Variants in MGAT4C observed in about 807,000 individuals in gnomAD.
MGAT4C encodes the protein MGAT4 family member C, also known as alpha-1,3-mannosyl-glycoprotein 4-beta-N-acetylglucosaminyltransferase C.
Under a neutral mutation model 40.1 loss-of-function variants are expected in MGAT4C, and 19 were observed. The observed-to-expected ratio is 0.47, with a 90% confidence interval of 0.33 to 0.70. The LOEUF (loss-of-function observed/expected upper bound fraction) is 0.70. Among genes scored for constraint, MGAT4C ranks in the 30% least tolerant of loss-of-function variants. The probability of loss-of-function intolerance (pLI) is 0.02; values close to 1 mark genes in which losing one functional copy is unlikely to be tolerated. For synonymous variants in MGAT4C, 181 were observed against 187.1 expected, an observed-to-expected ratio of 0.97 and a Z score of 0.27; for missense variants, 491 against 563.2, an observed-to-expected ratio of 0.87 and a Z score of 1.30.
rs1262876717 is a variant in MGAT4C at position 86,774,350 on chromosome 12, TCTCCC to T, written c.-261-47114_-261-47110del. ...TTCTTTCTTTCTTTCTGTCTCTCTC[TCTCCC>T]CTCTCTCTCTCTCTCTTTCTGTCTG... On this transcript the variant is annotated intron_variant, in intron 1 of 7. Coordinates refer to the MGAT4C transcript ENST00000548651. 6.4e-4 allele frequency among the ~76,000 whole-genome samples: 54 copies of T among 84,274 alleles called. 1 individual carries two copies. Among genetic ancestry groups the T allele is most frequent in the Admixed American group, 1.6e-3 (12 of 7,398 alleles). The allele number at this position is 84,274 out of a possible 152,430, so 55.3% of individuals were successfully genotyped here.
At chr12:86,093,415 A>C (rs748654307) in intron 1 of MGAT4C, among the ~76,000 whole-genome samples, 4 of 152,116 alleles carry the variant, frequency 2.6e-5, no homozygotes, top group Non-Finnish European at 5.9e-5. Context: ...TGCTTATGTA[A>C]GTTATTCATA....
At position 86,822,723 on chromosome 12, in the gene MGAT4C, T is replaced by C. The variant is rs569608371; in HGVS notation, c.-262+15943A>G. Among the ~76,000 whole-genome samples, 4 of 150,042 alleles carry C rather than the reference T, an allele frequency of 2.7e-5. No homozygotes were observed. The East Asian group carries it at 7.9e-4, about 30-fold the overall frequency. On this transcript the variant is annotated intron_variant, in intron 1 of 7. Transcript: ENST00000548651. ...AATAAACAGAGTCATGCAATAAGAGTGGAATAATTCAATACCGCACACTCA... is the reference window on the plus strand; with the variant it reads ...AATAAACAGAGTCATGCAATAAGAGCGGAATAATTCAATACCGCACACTCA...
At position 85,957,883 on chromosome 12, in the gene MGAT4C, C is replaced by T. The variant is rs1442591073; in HGVS notation, c.*21406G>A. The T allele has an allele frequency of 6.6e-6, 1 of 151,914 alleles. No individual in the cohort carries two copies. The highest frequency in any genetic ancestry group is 2.4e-5 in the African/African-American group (1 of 41,368). The allele number at this position is 151,914 out of a possible 1,614,324, so 9.4% of individuals were successfully genotyped here. A position where few individuals can be genotyped will look rare whatever the true frequency, so the allele number is the denominator to read the frequency against. On this transcript the variant is annotated 3_prime_UTR_variant, in exon 5 of 5. Coordinates refer to ENST00000611864, the MANE Select transcript of MGAT4C (RefSeq NM_001351288.2). ...TTATTGGCTTTTGTTGCTTTTTCTC[C>T]AAGAAAATTTGGAATGTTTTCATCT... is the stretch of plus-strand genomic sequence containing the variant.
intron 2 of MGAT4C, among the ~76,000 whole-genome samples, chr12:86,445,006 G>T (rs963255285): frequency 6.6e-6 from 1 of 152,220 alleles, no homozygotes; most frequent in Non-Finnish European, 1.5e-5. Context: ...CAGATCAGCT[G>T]TTGCCTGGGA....
intron 1 of MGAT4C, among the ~76,000 whole-genome samples, chr12:86,095,285 T>A (rs759307947): frequency 2.0e-5 from 3 of 152,070 alleles, no homozygotes; most frequent in Non-Finnish European, 4.4e-5. Flanking sequence ...CTTTAAAGTA[T>A]ATATACTCCC....
chr12:86,498,093 T>C (rs1958275071), intron 2 of MGAT4C, among the ~76,000 whole-genome samples: 1 of 150,852 alleles, frequency 6.6e-6, no homozygotes, highest in Non-Finnish European at 1.5e-5. Context: ...TTTTTGTTTG[T>C]ATTTTGGTCG....
chr12:86,326,135 AAATAT>A (rs1386431426), intron 4 of MGAT4C, among the ~76,000 whole-genome samples: 2 of 152,070 alleles, frequency 1.3e-5, no homozygotes, highest in African/African-American at 4.8e-5. Context: ...GAGATAAAAT[AAATAT>A]ATTTTTATAT....
intron 3 of MGAT4C, among the ~76,000 whole-genome samples, chr12:86,399,592 C>T (rs1161257502): frequency 6.6e-6 from 1 of 152,082 alleles, no homozygotes; most frequent in African/African-American, 2.4e-5. Context: ...TGTCCAGTTA[C>T]ATTTCTACAC....
At chr12:86,315,463 G>A (rs1249756019) in intron 4 of MGAT4C, among the ~76,000 whole-genome samples, 2 of 152,144 alleles carry the variant, frequency 1.3e-5, no homozygotes, top group African/African-American at 4.8e-5. Context: ...AGCACTTTGG[G>A]AGGCCGAGGC....
chr12:86,410,372 G>T (rs536862607), intron 3 of MGAT4C, among the ~76,000 whole-genome samples: 6 of 152,070 alleles, frequency 3.9e-5, no homozygotes, highest in African/African-American at 1.4e-4. Flanking sequence ...CATTCCTTCC[G>T]CAGGGTATTA....
chr12:86,622,510 G>A (rs1421473302), intron 2 of MGAT4C, among the ~76,000 whole-genome samples: 2 of 152,044 alleles, frequency 1.3e-5, no homozygotes, highest in Non-Finnish European at 2.9e-5. Context: ...TTAAAAAATG[G>A]TAATTGAGGG....
chr12:86,754,034 T>C (rs1003597112), intron 1 of MGAT4C, among the ~76,000 whole-genome samples: 2 of 152,176 alleles, frequency 1.3e-5, no homozygotes, highest in African/African-American at 2.4e-5. Context: ...GAGAGACTTG[T>C]ATGTAAGCAT....
intron 1 of MGAT4C, among the ~76,000 whole-genome samples, chr12:86,208,184 A>G (rs1950334168): frequency 6.6e-6 from 1 of 152,146 alleles, no homozygotes; most frequent in African/African-American, 2.4e-5. Flanking sequence ...TGTAAATTCA[A>G]GCTGGGCGCA....
intron 3 of MGAT4C, among the ~76,000 whole-genome samples, chr12:86,422,543 A>T (rs1414460232): frequency 2.6e-5 from 4 of 152,160 alleles, no homozygotes; most frequent in Non-Finnish European, 5.9e-5. Flanking sequence ...TGTGCTGTAG[A>T]CTAAATCTTA....
At chr12:86,191,131 A>C (rs977031433) in intron 1 of MGAT4C, among the ~76,000 whole-genome samples, 1 of 114,990 alleles carries the variant, frequency 8.7e-6, no homozygotes, top group Non-Finnish European at 1.9e-5. Flanking sequence ...ACACACACAC[A>C]CACCCCTATA....
At chr12:86,674,212 A>C (rs1329822630) in intron 2 of MGAT4C, among the ~76,000 whole-genome samples, 1 of 152,180 alleles carries the variant, frequency 6.6e-6, no homozygotes, top group East Asian at 1.9e-4. Context: ...ACAGATCAAA[A>C]TATGTACTTT....
At chr12:86,565,024 T>A (rs551616748) in intron 2 of MGAT4C, among the ~76,000 whole-genome samples, 1 of 152,328 alleles carries the variant, frequency 6.6e-6, no homozygotes, top group African/African-American at 2.4e-5. Context: ...TACTATCTTC[T>A]GCAGATAACT....
At chr12:86,116,553 A>C (rs1233442633) in intron 1 of MGAT4C, among the ~76,000 whole-genome samples, 1 of 152,134 alleles carries the variant, frequency 6.6e-6, no homozygotes, top group Admixed American at 6.6e-5. Context: ...GAAATACCCT[A>C]GATTACTGTA....
chr12:86,212,908 AAAAAAAAAAAAAAG>A lies in MGAT4C; in HGVS notation c.-57+43317_-57+43330del, dbSNP rs1261061348. ...CTCCGTCTCAAAAAAAAAAAAAAAA[AAAAAAAAAAAAAAG>A]AACACTCATTAACTGTTAGTGAGAT... On this transcript the variant is annotated intron_variant, in intron 1 of 4. Coordinates refer to ENST00000611864, the MANE Select transcript of MGAT4C (RefSeq NM_001351288.2). Among the ~76,000 whole-genome samples, 8 of 146,720 alleles carry A rather than the reference AAAAAAAAAAAAAAG, an allele frequency of 5.5e-5. 1 individual carries two copies. The highest frequency in any genetic ancestry group is 2.1e-4 in the South Asian group (1 of 4,660).
Sources: gnomAD v4.1 joint callset for allele counts (sites outside exome capture counted in the v4.1 genomes callset) on GRCh38, gnomAD v4.1.1 for gene constraint, MANE v1.5 for transcripts, NCBI Gene and HGNC (gene_info 2026-07-23, HGNC 2026-07-21) for gene names.